Variants in ZNF730 observed in about 807,000 individuals in gnomAD.
The protein encoded by ZNF730 is zinc finger protein 730.
Under a neutral mutation model 12.6 loss-of-function variants are expected in ZNF730, and 12 were observed. The ratio of observed to expected loss-of-function variants is 0.95; its 90% CI spans 0.61 to 1.54. The LOEUF (loss-of-function observed/expected upper bound fraction) is 1.54, where lower values mean the gene tolerates loss of function less well. Ranked by LOEUF, ZNF730 falls within the 40% of genes most tolerant of loss-of-function variation. The probability of loss-of-function intolerance (pLI) is 0.00; values close to 1 mark genes in which losing one functional copy is unlikely to be tolerated. For synonymous variants in ZNF730, 194 were observed against 195.8 expected (o/e 0.99, Z 0.08); for missense variants, 643 against 583.5 (o/e 1.10, Z -1.05).
rs763721978 is a variant in ZNF730, at chr19:23,145,775, C to G, written c.731C>G (p.Thr244Ser). ...GKAFNWFSHF[T>S]THKRIHTGEK... ...GCCTTTAACTGGTTTTCACATTTTA[C>G]TACACATAAGAGAATTCATACTGGA... Residue 244 changes from threonine (T) to serine (S), a missense_variant, in exon 4 of 4, where the codon ACT (threonine) becomes AGT (serine). Coordinates refer to ENST00000597761, the MANE Select transcript of ZNF730 (RefSeq NM_001277403.2). 10 of 1,575,622 alleles carry G rather than the reference C, an allele frequency of 6.3e-6. No homozygotes were observed. The Admixed American group carries it at 1.9e-4, about 29-fold the overall frequency.
At chr19:23,083,592 CTTG>C (rs931019367) in intron 1 of ZNF730, among the ~76,000 whole-genome samples, 1 of 148,926 alleles carries the variant, frequency 6.7e-6, no homozygotes, top group Non-Finnish European at 1.5e-5. Flanking sequence ...CTCATTAGTG[CTTG>C]TTTTTTTTTT....
In ZNF730 at chr19:23,146,684, T is replaced by A; in HGVS notation, c.*128T>A. 6.7e-7 allele frequency: 1 copy of A among 1,486,690 alleles called. No homozygotes were observed. The highest frequency in any genetic ancestry group is 9.4e-7 in the Non-Finnish European group (1 of 1,066,532). The allele number at this position is 1,486,690 out of a possible 1,614,324, so 92.1% of individuals were successfully genotyped here. A position where few individuals can be genotyped will look rare whatever the true frequency, so the allele number is the denominator to read the frequency against. On this transcript the variant is annotated 3_prime_UTR_variant, in exon 4 of 4. Coordinates refer to ENST00000597761, the MANE Select transcript of ZNF730 (RefSeq NM_001277403.2). ...AAAGCTTTTAACCAGTCCTCAAATC[T>A]TACTAAACATAAGGTAATTCATACT...
chr19:23,103,817 C>T (rs889625909), intron 1 of ZNF730, among the ~76,000 whole-genome samples: 2 of 152,140 alleles, frequency 1.3e-5, no homozygotes, highest in African/African-American at 4.8e-5. Context: ...TTGTAAACCA[C>T]AGAGATAGCC....
At chr19:23,106,718 A>T (rs1970396024) in intron 1 of ZNF730, among the ~76,000 whole-genome samples, 1 of 148,296 alleles carries the variant, frequency 6.7e-6, no homozygotes, top group South Asian at 2.2e-4. Flanking sequence ...TTGAACCCAG[A>T]GGTGTATGTT....
chr19:23,131,745 C>T (rs1016462409), intron 1 of ZNF730, among the ~76,000 whole-genome samples: 3 of 152,182 alleles, frequency 2.0e-5, no homozygotes, highest in African/African-American at 7.2e-5. Flanking sequence ...ATTCCTGTAT[C>T]CTTTCAAAAC....
At chr19:23,082,165 C>T (rs1372585214) in intron 1 of ZNF730, among the ~76,000 whole-genome samples, 1 of 152,086 alleles carries the variant, frequency 6.6e-6, no homozygotes. Flanking sequence ...GTTAAGTAAC[C>T]TCTTCCCATC....
At chr19:23,117,728 C>G (rs1970549745) in intron 1 of ZNF730, among the ~76,000 whole-genome samples, 1 of 152,122 alleles carries the variant, frequency 6.6e-6, no homozygotes, top group Non-Finnish European at 1.5e-5. Flanking sequence ...ATTCAGTAAT[C>G]GGTTAGGTAC....
chr19:23,128,062 G>A, intron 1 of ZNF730: 1 of 768,148 alleles, frequency 1.3e-6, no homozygotes, highest in South Asian at 1.3e-5. Flanking sequence ...TGAATACAAT[G>A]TGGAAAGCAC....
chr19:23,115,011 C>T (rs1970501485), upstream of ZNF730, among the ~76,000 whole-genome samples: 1 of 152,058 alleles, frequency 6.6e-6, no homozygotes, highest in African/African-American at 2.4e-5. Flanking sequence ...AACTGCTGAG[C>T]TCAAGTTATT....
In ZNF730 at chr19:23,146,588, A is replaced by T; in HGVS notation, c.*32A>T. On this transcript the variant is annotated 3_prime_UTR_variant, in exon 4 of 4. Transcript: ENST00000597761. Reference sequence around the variant, plus strand: ...AAAGACTGTGGCAAAGCTTTTAAACAATCTTTATACCTTACTACACATAAG... The same window carrying T: ...AAAGACTGTGGCAAAGCTTTTAAACTATCTTTATACCTTACTACACATAAG... The T allele has an allele frequency of 6.3e-7, 1 of 1,585,024 alleles. No individual in the cohort carries two copies. The highest frequency in any genetic ancestry group is 8.6e-7 in the Non-Finnish European group (1 of 1,162,658).
At chr19:23,102,253 G>T (rs1379238062) in intron 1 of ZNF730, among the ~76,000 whole-genome samples, 1 of 152,116 alleles carries the variant, frequency 6.6e-6, no homozygotes, top group Non-Finnish European at 1.5e-5. Flanking sequence ...CAGCCCCCAT[G>T]TGGTGTGACT....
At chr19:23,080,378 T>A (rs1969941918) in intron 1 of ZNF730, among the ~76,000 whole-genome samples, 2 of 151,746 alleles carry the variant, frequency 1.3e-5, no homozygotes, top group Admixed American at 6.6e-5. Flanking sequence ...TACTCTTATT[T>A]TTTTTTTTTT....
chr19:23,140,581 A>G (rs1379661318), intron 3 of ZNF730, among the ~76,000 whole-genome samples: 3 of 149,374 alleles, frequency 2.0e-5, no homozygotes, highest in Non-Finnish European at 4.4e-5. Flanking sequence ...ACTGCACTCC[A>G]GCCTGGGCAA....
chr19:23,146,418 CAA>C lies in ZNF730; in HGVS notation c.1376_1377del (p.Lys459SerfsTer3), dbSNP rs777599849. 1 of 1,612,920 alleles carries C rather than the reference CAA, an allele frequency of 6.2e-7. No homozygotes were observed. The highest frequency in any genetic ancestry group is 8.5e-7 in the Non-Finnish European group (1 of 1,179,848). ...AACCCTATGAATGTGAAGAATGTGG[CAA>C]AGCTTTTAACCGGTCCTCAACCCTC... ...EKPYECEECG[K>X]AFNRSSTLTT... On this transcript the variant is annotated frameshift_variant, in exon 4 of 4. Transcript: ENST00000597761. LOFTEE classifies it low-confidence loss of function (END_TRUNC).
In ZNF730 at chr19:23,117,146, G is replaced by GA; in HGVS notation, c.-27dup. ...CGGGTATTGGGAGATCCACAGCTAA[G>GA]ACGCCAGGGCCCCCTGGAAGCCTAG... On this transcript the variant is annotated 5_prime_UTR_variant, in exon 1 of 4. Transcript: ENST00000597761. 1 of 1,613,796 alleles carries GA rather than the reference G, an allele frequency of 6.2e-7. No homozygotes were observed.
intron 1 of ZNF730, among the ~76,000 whole-genome samples, chr19:23,090,005 T>G (rs1485161062): frequency 6.6e-6 from 1 of 152,112 alleles, no homozygotes; most frequent in East Asian, 1.9e-4. Context: ...CCCAGCACTT[T>G]GAGAGGCTGA....
chr19:23,135,450 A>G (rs1018260803), intron 2 of ZNF730, among the ~76,000 whole-genome samples: 1 of 151,966 alleles, frequency 6.6e-6, no homozygotes. Context: ...AGTACAAAGT[A>G]GTTAAATTAA....
In ZNF730 at chr19:23,145,403, T is replaced by A. The variant is rs933977847; in HGVS notation, c.359T>A (p.Val120Glu). 1.9e-6 allele frequency: 3 copies of A among 1,588,184 alleles called. No individual in the cohort carries two copies. Among genetic ancestry groups the A allele is most frequent in the Non-Finnish European group, 2.6e-6 (3 of 1,167,940 alleles). Residue 120 changes from valine to glutamate, a missense_variant, in exon 4 of 4, where the codon GTG becomes GAG. Coordinates refer to ENST00000597761, the MANE Select transcript of ZNF730 (RefSeq NM_001277403.2). ...CTGTTAAGAAAAGGCTGTAAAAATG[T>A]GGATGAGTTTAAGATGCACAAAAAA... ...NLLLRKGCKNVDEFKMHKKGY... is the reference protein window; with the variant it reads ...NLLLRKGCKNEDEFKMHKKGY...
chr19:23,137,609 G>C (rs1599599613), intron 3 of ZNF730, among the ~76,000 whole-genome samples: 1 of 152,224 alleles, frequency 6.6e-6, no homozygotes, highest in Non-Finnish European at 1.5e-5. Flanking sequence ...TCAGTGCTAT[G>C]TTTAAGTAGA....
Sources: gnomAD v4.1 joint callset for allele counts (sites outside exome capture counted in the v4.1 genomes callset) on GRCh38, gnomAD v4.1.1 for gene constraint, MANE v1.5 for transcripts, NCBI Gene and HGNC (gene_info 2026-07-23, HGNC 2026-07-21) for gene names.